Variants in LUZP2 observed in about 807,000 individuals in gnomAD.
LUZP2 encodes the protein leucine zipper protein 2.
In LUZP2, 52 loss-of-function variants were observed where a neutral mutation model predicts 51.6. The observed-to-expected ratio is 1.01, with a 90% CI of 0.81 to 1.27. The LOEUF is 1.27. Among genes scored for constraint, LUZP2 ranks in the 50% most tolerant of loss-of-function variants. The pLI, the probability that LUZP2 is intolerant of heterozygous loss-of-function variation, is 0.00. For synonymous variants in LUZP2, 154 were observed against 137.3 expected, an observed-to-expected ratio of 1.12 and a Z score of -0.85; for missense variants, 436 against 395.4, an observed-to-expected ratio of 1.10 and a Z score of -0.87.
At chr11:24,721,089 C>T (rs1326472434) in intron 1 of LUZP2, among the ~76,000 whole-genome samples, 1 of 152,106 alleles carries the variant, frequency 6.6e-6, no homozygotes, top group Non-Finnish European at 1.5e-5. Context: ...ATAACATAAA[C>T]GACGTTTAAT....
At chr11:25,073,052 G>A (rs1859201125) in intron 10 of LUZP2, among the ~76,000 whole-genome samples, 1 of 152,064 alleles carries the variant, frequency 6.6e-6, no homozygotes, top group Admixed American at 6.6e-5. Flanking sequence ...TTTAAAAAGG[G>A]GGTGGGCTAG....
intron 1 of LUZP2, among the ~76,000 whole-genome samples, chr11:24,659,492 G>A (rs923294609): frequency 1.3e-5 from 2 of 151,838 alleles, no homozygotes; most frequent in African/African-American, 4.8e-5. Context: ...AATGCGTGCA[G>A]CACACCAACA....
At chr11:24,556,820 C>CAGA (rs1298369565) in intron 1 of LUZP2, among the ~76,000 whole-genome samples, 1 of 152,136 alleles carries the variant, frequency 6.6e-6, no homozygotes, top group Admixed American at 6.6e-5. Context: ...GCACCCTCAA[C>CAGA]ACTAACTTAC....
chr11:24,846,789 C>T (rs1486709), intron 5 of LUZP2, among the ~76,000 whole-genome samples: 22,987 of 151,768 alleles, frequency 0.15, 1,882 homozygotes, highest in African/African-American at 0.2. Flanking sequence ...TTCATCACAT[C>T]AGTCTCTCTC....
intron 1 of LUZP2, among the ~76,000 whole-genome samples, chr11:24,690,139 A>G (rs1857022178): frequency 6.6e-6 from 1 of 152,118 alleles, no homozygotes; most frequent in South Asian, 2.1e-4. Context: ...TTAAATTTTT[A>G]TAAGATTTTA....
intron 5 of LUZP2, among the ~76,000 whole-genome samples, chr11:24,873,721 C>T (rs1852157465): frequency 6.6e-6 from 1 of 152,008 alleles, no homozygotes; most frequent in Non-Finnish European, 1.5e-5. Context: ...GAGAAAGAGC[C>T]CAGGGCCTGG....
chr11:24,794,566 G>A (rs1849499804), intron 5 of LUZP2, among the ~76,000 whole-genome samples: 1 of 152,054 alleles, frequency 6.6e-6, no homozygotes. Context: ...TAAGCTAAAT[G>A]TTTTATATAT....
chr11:24,926,248 TATATAC>T (rs1854231419), intron 7 of LUZP2, among the ~76,000 whole-genome samples: 2 of 147,146 alleles, frequency 1.4e-5, no homozygotes, highest in African/African-American at 5.0e-5. Flanking sequence ...TGTGTGTATA[TATATAC>T]GTGTGTGTAT....
intron 1 of LUZP2, among the ~76,000 whole-genome samples, chr11:24,498,552 G>A (rs531148001): frequency 2.6e-4 from 40 of 152,266 alleles, no homozygotes; most frequent in African/African-American, 9.6e-4. Context: ...AAAATGAAAT[G>A]TAAGTTTGAT....
intron 5 of LUZP2, among the ~76,000 whole-genome samples, chr11:24,854,963 C>T (rs1408000391): frequency 1.3e-5 from 2 of 152,152 alleles, no homozygotes; most frequent in East Asian, 3.9e-4. Flanking sequence ...GCCACACCCA[C>T]TGTCTAACCA....
chr11:24,849,812 G>C (rs1466714070), intron 5 of LUZP2, among the ~76,000 whole-genome samples: 1 of 152,060 alleles, frequency 6.6e-6, no homozygotes, highest in Non-Finnish European at 1.5e-5. Flanking sequence ...TTTAATGACT[G>C]CCATTTTAAC....
intron 1 of LUZP2, among the ~76,000 whole-genome samples, chr11:24,686,623 A>G (rs1856903933): frequency 6.6e-6 from 1 of 152,124 alleles, no homozygotes; most frequent in South Asian, 2.1e-4. Context: ...AAATAGCTTC[A>G]CATCTGTTAT....
chr11:24,739,377 G>A (rs1859053975), intron 4 of LUZP2, among the ~76,000 whole-genome samples: 1 of 152,060 alleles, frequency 6.6e-6, no homozygotes. Context: ...AAGGGGGGCA[G>A]TTAGGAGTGT....
intron 4 of LUZP2, among the ~76,000 whole-genome samples, chr11:24,756,270 C>T (rs1477277420): frequency 6.6e-6 from 1 of 152,210 alleles, no homozygotes; most frequent in Admixed American, 6.5e-5. Flanking sequence ...TGTATAAAAG[C>T]AAGCTGTAAC....
chr11:24,835,484 C>T (rs1850836342), intron 5 of LUZP2, among the ~76,000 whole-genome samples: 2 of 152,106 alleles, frequency 1.3e-5, no homozygotes, highest in African/African-American at 2.4e-5. Flanking sequence ...TAAAGAGCTT[C>T]TGCACAGCAA....
At chr11:24,857,302 T>TAC (rs1554924534) in intron 5 of LUZP2, among the ~76,000 whole-genome samples, 13 of 63,268 alleles carry the variant, frequency 2.1e-4, no homozygotes, top group African/African-American at 5.3e-4. Context: ...TATATATATA[T>TAC]ACATATATAT....
intron 1 of LUZP2, among the ~76,000 whole-genome samples, chr11:24,619,692 A>G (rs187597822): frequency 1.2e-4 from 18 of 152,298 alleles, no homozygotes; most frequent in Admixed American, 7.2e-4. Flanking sequence ...ATAAAATCCT[A>G]TAGTATTTGC....
rs1295271360 is a variant in LUZP2 at position 24,898,564 on chromosome 11, AGTG to A, written c.397-7426_397-7424del. On this transcript the variant is annotated intron_variant, in intron 5 of 11. Coordinates refer to ENST00000336930, the MANE Select transcript of LUZP2 (RefSeq NM_001009909.4). ...CATGAACTTGGGAAGCAGAGCTTAC[AGTG>A]AGCCCAGATCGTGCCACTGTACTCC... Among the ~76,000 whole-genome samples the A allele has an allele frequency of 2.5e-3, 374 of 152,226 alleles. 1 individual carries two copies. Among genetic ancestry groups the A allele is most frequent in the African/African-American group, 8.2e-3 (340 of 41,556 alleles).
chr11:24,999,601 C>T (rs1427672694), intron 9 of LUZP2, among the ~76,000 whole-genome samples: 6 of 137,842 alleles, frequency 4.4e-5, no homozygotes, highest in Admixed American at 1.5e-4. Flanking sequence ...CCCTTGACCT[C>T]GTGATCTGCC....
Sources: gnomAD v4.1 joint callset for allele counts (sites outside exome capture counted in the v4.1 genomes callset) on GRCh38, gnomAD v4.1.1 for gene constraint, MANE v1.5 for transcripts, NCBI Gene and HGNC (gene_info 2026-07-23, HGNC 2026-07-21) for gene names.